Variants in SLC44A4 observed in about 807,000 individuals in gnomAD.
SLC44A4 encodes the protein solute carrier family 44 member 4.
A neutral mutation model predicts 97.0 loss-of-function variants in SLC44A4; 74 were observed. The observed-to-expected ratio is 0.76, with a 90% CI of 0.63 to 0.93. The LOEUF is 0.93. Ranked by LOEUF, SLC44A4 falls within the 40% of genes least tolerant of loss-of-function variation. The probability of loss-of-function intolerance (pLI) is 0.00; values close to 1 mark genes in which losing one functional copy is unlikely to be tolerated. For synonymous variants in SLC44A4, 325 were observed against 363.8 expected (o/e 0.89, Z 1.21); for missense variants, 799 against 902.9 (o/e 0.88, Z 1.48).
At chr6:31,864,604 G>C in intron 20 of SLC44A4, 48 bp downstream of exon 20, 1 of 1,522,312 alleles carries the variant, frequency 6.6e-7, no homozygotes, top group Non-Finnish European at 9.0e-7. Flanking sequence ...ATGCTTGAAC[G>C]GCTCAGTACT....
chr6:31,877,613 C>T lies in SLC44A4; in HGVS notation c.41-531G>A. 1 of 987,436 alleles carries T rather than the reference C, an allele frequency of 1.0e-6. No homozygotes were observed. Among genetic ancestry groups the T allele is most frequent in the East Asian group, 1.1e-4 (1 of 8,844 alleles). 61.2% of individuals were successfully genotyped at this position (987,436 alleles called of 1,614,324 possible). A position where few individuals can be genotyped will look rare whatever the true frequency, so the allele number is the denominator to read the frequency against. On this transcript the variant is annotated intron_variant, in intron 1 of 20. Transcript: ENST00000229729. This position sits in a 1 kb window ranked among gnomAD's most constrained non-coding sequence, Gnocchi z 6.5. The stretch of plus-strand genomic sequence containing the variant: ...GAAACTGGAGACAAAGGTGTCAACC[C>T]CAGCAGGGCCTGGGGAGGGAAGCGG...
chr6:31,874,754 C>T lies in SLC44A4; in HGVS notation c.435G>A (p.Arg145=). 3.1e-6 allele frequency: 5 copies of T among 1,613,830 alleles called. No homozygotes were observed. The highest frequency in any genetic ancestry group is 4.2e-6 in the Non-Finnish European group (5 of 1,179,872). Residue 145 remains arginine, a synonymous_variant, in exon 6 of 21, where the codon AGG becomes AGA. Coordinates refer to ENST00000229729, the MANE Select transcript of SLC44A4 (RefSeq NM_025257.3). The surrounding 1 kb of genome is among the most constrained non-coding windows in gnomAD (Gnocchi z 4.8). The part of the protein sequence containing the change: ...TVGEVFYTKN[R]NFCLPGVPWN... ...AGGGTACCCCTGGCAGACAAAAGTT[C>T]CTGTTTTTTGTATAGAAGACTTCCC... is the stretch of plus-strand genomic sequence containing the variant.
intron 12 of SLC44A4, 38 bp downstream of exon 12, chr6:31,869,507 G>C (rs375992147): frequency 4.6e-6 from 7 of 1,530,976 alleles, no homozygotes; most frequent in Non-Finnish European, 6.3e-6. Context: ...TCACCCCCCA[G>C]GACTCCAAGA....
At position 31,876,281 on chromosome 6, in the gene SLC44A4, T is replaced by A. The variant is rs1472821796; in HGVS notation, c.90-152A>T. 1.6e-6 allele frequency: 1 copy of A among 616,130 alleles called. No individual in the cohort carries two copies. The highest frequency in any genetic ancestry group is 2.7e-6 in the Non-Finnish European group (1 of 364,000). The allele number at this position is 616,130 out of a possible 1,614,324, so 38.2% of individuals were successfully genotyped here. On this transcript the variant is annotated intron_variant, in intron 2 of 20. Transcript: ENST00000229729. The surrounding 1 kb of genome is among the most constrained non-coding windows in gnomAD (Gnocchi z 4.8). Reference sequence around the variant, plus strand: ...TATTTTTTTATTGCTTTTACTTTTTTATTTTGAGACAGGGTCTCACTCTGT... The same window carrying A: ...TATTTTTTTATTGCTTTTACTTTTTAATTTTGAGACAGGGTCTCACTCTGT...
At position 31,871,020 on chromosome 6, in the gene SLC44A4, G is replaced by T; in HGVS notation, c.729C>A (p.Ser243Arg). ...GGCGCAGAAGCAAGATAAACAGTAG[G>T]CTCAAGACCAGAGCCACCCCCAGGG... ...LVALGVALVL[S>R]LLFILLLRLV... The change falls in exon 10 of 21, where the codon AGC becomes AGA. Residue 243 changes from serine to arginine, a missense_variant. Physicochemically the swap from Ser to Arg is moderately radical, Grantham distance 110. This residue lies in a region of SLC44A4 where 409 missense variants were observed against 434.1 expected (regional missense o/e 0.94). Transcript: ENST00000229729. The T allele has an allele frequency of 6.2e-7, 1 of 1,611,022 alleles. No individual in the cohort carries two copies. The highest frequency in any genetic ancestry group is 8.5e-7 in the Non-Finnish European group (1 of 1,179,318).
Position 31,864,825 on chromosome 6 carries a change from C to T in SLC44A4, c.1917G>A (p.Leu639=), listed in dbSNP as rs769993319. ...FKSPHLNYYW[L]PIMTSILGAY... ...GAGGGGAGTCACTCACCATGATGGG[C>T]AGCCAGTAATAGTTGAGGTGGGGGC... Residue 639 remains leucine, a synonymous_variant, in exon 19 of 21, where the codon CTG becomes CTA. Transcript: ENST00000229729. 1 of 1,614,022 alleles carries T rather than the reference C, an allele frequency of 6.2e-7. No homozygotes were observed. Among genetic ancestry groups the T allele is most frequent in the Non-Finnish European group, 8.5e-7 (1 of 1,179,982 alleles).
chr6:31,863,807 G>C, intron 20 of SLC44A4, 59 bp from the exon 21 acceptor site: 1 of 1,603,968 alleles, frequency 6.2e-7, no homozygotes, highest in Non-Finnish European at 8.5e-7. Context: ...CGGGGACTGG[G>C]AGGCAAGCTG....
rs753682646 is a variant in SLC44A4 at position 31,869,576 on chromosome 6, TGAG to T, written c.1096_1098del (p.Leu366del). 2 of 1,606,570 alleles carry T rather than the reference TGAG, an allele frequency of 1.2e-6. No homozygotes were observed. Among genetic ancestry groups the T allele is most frequent in the Non-Finnish European group, 8.5e-7 (1 of 1,177,224 alleles). ...GTCATGGCCCAGTAGGCAATGCAGA[TGAG>T]GAGGAGGACAAAGGTGACCAGTGGG... On this transcript the variant is annotated inframe_deletion, in exon 12 of 21. Coordinates refer to ENST00000229729, the MANE Select transcript of SLC44A4 (RefSeq NM_025257.3).
chr6:31,864,006 A>G (rs1343369555), intron 20 of SLC44A4, among the ~76,000 whole-genome samples: 2 of 151,958 alleles, frequency 1.3e-5, no homozygotes, highest in Non-Finnish European at 2.9e-5. Context: ...TGCATGCTGT[A>G]GAGTAAGAAA....
Position 31,874,783 on chromosome 6 carries a change from C to A in SLC44A4, c.406G>T (p.Val136Phe). Residue 136 changes from valine (V) to phenylalanine (F), a missense_variant, in exon 6 of 21, where the codon GTT becomes TTT. Physicochemically the swap from Val to Phe is conservative, Grantham distance 50. Around this residue, in one of 3 missense-constraint regions of SLC44A4, gnomAD observed 409 missense variants for 434.1 expected, o/e 0.94. Coordinates refer to ENST00000229729, the MANE Select transcript of SLC44A4 (RefSeq NM_025257.3). The surrounding 1 kb of genome is among the most constrained non-coding windows in gnomAD (Gnocchi z 4.8). ...TTTTTTGTATAGAAGACTTCCCCAACAGTCTGTGAGAACTCGTTTTTTCCC... is the reference window on the plus strand; with the variant it reads ...TTTTTTGTATAGAAGACTTCCCCAAAAGTCTGTGAGAACTCGTTTTTTCCC... ...TVGKNEFSQT[V>F]GEVFYTKNRN... 1 of 1,614,066 alleles carries A rather than the reference C, an allele frequency of 6.2e-7. No individual in the cohort carries two copies.
Position 31,864,331 on chromosome 6 carries a change from C to T in SLC44A4, c.2011+321G>A. On this transcript the variant is annotated intron_variant, in intron 20 of 20. Coordinates refer to ENST00000229729, the MANE Select transcript of SLC44A4 (RefSeq NM_025257.3). Reference sequence around the variant, plus strand: ...CTCAGGGTGATCTGCCCACCTCGGTCCCCCAAAGTGCTGGCATGACAGGCG... The same window carrying T: ...CTCAGGGTGATCTGCCCACCTCGGTTCCCCAAAGTGCTGGCATGACAGGCG... The T allele has an allele frequency of 1.3e-5, 6 of 454,630 alleles. No homozygotes were observed. In the South Asian group the frequency reaches 1.6e-4, roughly 12 times the overall value. The allele number at this position is 454,630 out of a possible 1,614,324, so 28.2% of individuals were successfully genotyped here. A position where few individuals can be genotyped will look rare whatever the true frequency, so the allele number is the denominator to read the frequency against.
intron 20 of SLC44A4, 107 bp downstream of exon 20, chr6:31,864,545 C>T (rs1411633959): frequency 9.3e-7 from 1 of 1,072,556 alleles, no homozygotes; most frequent in Non-Finnish European, 1.4e-6. Context: ...TCGTTTAGCT[C>T]ACAAAGGCAT....
Position 31,874,992 on chromosome 6 carries a change from G to C in SLC44A4, c.279C>G (p.Ser93Arg). 6.2e-7 allele frequency: 1 copy of C among 1,613,202 alleles called. No individual in the cohort carries two copies. The highest frequency in any genetic ancestry group is 8.5e-7 in the Non-Finnish European group (1 of 1,179,998). Residue 93 changes from serine (S) to arginine (R), a missense_variant, in exon 5 of 21, where the codon AGC (serine) becomes AGG (arginine). This residue lies in a region of SLC44A4 where 409 missense variants were observed against 434.1 expected (regional missense o/e 0.94). Coordinates refer to ENST00000229729, the MANE Select transcript of SLC44A4 (RefSeq NM_025257.3). This position sits in a 1 kb window ranked among gnomAD's most constrained non-coding sequence, Gnocchi z 4.8. ...KPYLLYFNIF[S>R]CILSSNIISV... ...AGATGATGTTGCTGGACAGGATGCA[G>C]CTGAAGATGTTGAAGTACAGGAGAT...
At chr6:31,864,422 G>C in intron 20 of SLC44A4, 1 of 595,682 alleles carries the variant, frequency 1.7e-6, no homozygotes. Flanking sequence ...AGATAGCAGA[G>C]ACCTCTCCAT....
rs115030898 is a variant in SLC44A4 at position 31,869,098 on chromosome 6, C to G, written c.1233+57G>C. ...CTTCTCTGCACAATGAGGAATGTGG[C>G]CCCTACAGCCCCTCACCCCTACTAG... On this transcript the variant is annotated intron_variant, in intron 13 of 20. Transcript: ENST00000229729. 1,768 of 1,390,242 alleles carry G rather than the reference C, an allele frequency of 1.3e-3. 20 individuals carry two copies. In the African/African-American group the frequency reaches 0.022, roughly 18 times the overall value. The allele number at this position is 1,390,242 out of a possible 1,614,324, so 86.1% of individuals were successfully genotyped here.
chr6:31,869,422 G>A, intron 12 of SLC44A4, 123 bp downstream of exon 12: 1 of 974,144 alleles, frequency 1.0e-6, no homozygotes, highest in South Asian at 1.5e-5. Flanking sequence ...GTGCTGGTGT[G>A]TCTGCCCAGA....
In SLC44A4 at chr6:31,874,592, C is replaced by T; in HGVS notation, c.469-72G>A. On this transcript the variant is annotated intron_variant, in intron 6 of 20. Coordinates refer to ENST00000229729, the MANE Select transcript of SLC44A4 (RefSeq NM_025257.3). This position sits in a 1 kb window ranked among gnomAD's most constrained non-coding sequence, Gnocchi z 4.8. Reference sequence around the variant, plus strand: ...AAGAAGCAGGTCCCCTCACCACCACCATGGGGCTCAGCCTGTCCCACACTC... The same window carrying T: ...AAGAAGCAGGTCCCCTCACCACCACTATGGGGCTCAGCCTGTCCCACACTC... The T allele has an allele frequency of 1.3e-5, 20 of 1,579,516 alleles. No homozygotes were observed. The highest frequency in any genetic ancestry group is 1.7e-5 in the Non-Finnish European group (20 of 1,161,400).
chr6:31,875,138 C>G (rs1051740794), intron 4 of SLC44A4, 110 bp from the exon 5 acceptor site: 17 of 794,730 alleles, frequency 2.1e-5, no homozygotes, highest in Non-Finnish European at 3.5e-5. Context: ...CCAGCGTGGC[C>G]CATACCAGTC....
Position 31,876,981 on chromosome 6 carries a change from C to G in SLC44A4, c.89+53G>C. 1.3e-6 allele frequency: 2 copies of G among 1,532,990 alleles called. No individual in the cohort carries two copies. The highest frequency in any genetic ancestry group is 1.8e-6 in the Non-Finnish European group (2 of 1,126,860). The allele number at this position is 1,532,990 out of a possible 1,614,324, so 95.0% of individuals were successfully genotyped here. On this transcript the variant is annotated intron_variant, in intron 2 of 20. Coordinates refer to ENST00000229729, the MANE Select transcript of SLC44A4 (RefSeq NM_025257.3). This position sits in a 1 kb window ranked among gnomAD's most constrained non-coding sequence, Gnocchi z 4.8. ...GCAAATACAAAGCAAATACTGGATT[C>G]CACACTGCACCCACCACCCCCGCCA... is the stretch of plus-strand genomic sequence containing the variant.
Sources: gnomAD v4.1 joint callset for allele counts (sites outside exome capture counted in the v4.1 genomes callset) on GRCh38, gnomAD v4.1.1 for gene constraint, gnomAD v4.1.1 regional missense constraint, Gnocchi (gnomAD v3.1) non-coding constraint, MANE v1.5 for transcripts, NCBI Gene and HGNC (gene_info 2026-07-23, HGNC 2026-07-21) for gene names.